ALDH3A2: variants seen among roughly 807,000 people sequenced by gnomAD.
ALDH3A2 encodes aldehyde dehydrogenase 3 family member A2, also known as aldehyde dehydrogenase family 3 member A2.
In ALDH3A2, 36 loss-of-function variants were observed where a neutral mutation model predicts 51.3. The ratio of observed to expected loss-of-function variants is 0.70; its 90% CI spans 0.54 to 0.93. The LOEUF (loss-of-function observed/expected upper bound fraction) is 0.93, where lower values mean the gene tolerates loss of function less well. ALDH3A2 is among the 40% of genes least tolerant of loss of function. ALDH3A2 has a pLI of 0.00. For synonymous variants in ALDH3A2, 199 were observed against 219.8 expected (o/e 0.91, Z 0.84); for missense variants, 552 against 603.1 (o/e 0.92, Z 0.89).
intron 5 of ALDH3A2, 81 bp downstream of exon 5, chr17:19,657,943 T>G: frequency 8.7e-7 from 1 of 1,147,952 alleles, no homozygotes; most frequent in Non-Finnish European, 1.3e-6. Context: ...GCATCCCCAT[T>G]TGTTTCTCCC....
intron 6 of ALDH3A2, 193 bp downstream of exon 6, chr17:19,661,461 A>C: frequency 6.1e-6 from 4 of 651,604 alleles, no homozygotes; most frequent in Non-Finnish European, 1.0e-5. Flanking sequence ...TGTGTATTGA[A>C]TGATGCCACC....
chr17:19,656,888 C>T (rs1232859698), intron 4 of ALDH3A2, among the ~76,000 whole-genome samples: 1 of 152,212 alleles, frequency 6.6e-6, no homozygotes, highest in Non-Finnish European at 1.5e-5. Flanking sequence ...CTGTGAAGTA[C>T]ATAATCCAAA....
chr17:19,668,318 G>T (rs144403597), intron 8 of ALDH3A2, among the ~76,000 whole-genome samples: 1,953 of 152,152 alleles, frequency 0.013, 40 homozygotes, highest in African/African-American at 0.044. Flanking sequence ...CGCGACCTCG[G>T]TTCATTGCAA....
intron 8 of ALDH3A2, among the ~76,000 whole-genome samples, chr17:19,671,417 TGA>T (rs2085111146): frequency 6.6e-6 from 1 of 152,222 alleles, no homozygotes; most frequent in Non-Finnish European, 1.5e-5. Context: ...GGGATTGTGG[TGA>T]GAATTATCTT....
At chr17:19,671,562 G>A (rs1215577691) in intron 8 of ALDH3A2, among the ~76,000 whole-genome samples, 159 bp from the exon 9 acceptor site, 1 of 152,186 alleles carries the variant, frequency 6.6e-6, no homozygotes, top group Non-Finnish European at 1.5e-5. Flanking sequence ...CAGGGAAGTT[G>A]GTAAGGACTT....
intron 9 of ALDH3A2, chr17:19,672,399 G>T: frequency 5.0e-6 from 1 of 198,154 alleles, no homozygotes; most frequent in Non-Finnish European, 1.0e-5. Flanking sequence ...TTACCACAGA[G>T]GTGAAGGCAA....
At chr17:19,671,693 C>A (rs1294971110) in intron 8 of ALDH3A2, 28 bp from the exon 9 acceptor site, 2 of 1,589,652 alleles carry the variant, frequency 1.3e-6, no homozygotes, top group East Asian at 4.5e-5. Context: ...TACAGTGAAG[C>A]TTGTTTTGTC....
At chr17:19,655,704 T>A (rs1259780267) in intron 3 of ALDH3A2, among the ~76,000 whole-genome samples, 1 of 152,230 alleles carries the variant, frequency 6.6e-6, no homozygotes. Flanking sequence ...TTGATGCTGT[T>A]ATTGTCCAAG....
intron 3 of ALDH3A2, chr17:19,655,499 A>G (rs2084882732): frequency 6.6e-6 from 1 of 152,246 alleles, no homozygotes; most frequent in African/African-American, 2.4e-5. Flanking sequence ...GATCAATAAT[A>G]TATGCTATGT....
chr17:19,655,902 C>A (rs531902653), intron 3 of ALDH3A2, among the ~76,000 whole-genome samples: 1 of 152,320 alleles, frequency 6.6e-6, no homozygotes, highest in South Asian at 2.1e-4. Flanking sequence ...ACTTCAAAAG[C>A]AAGCGCTCTC....
At chr17:19,663,632 C>A in intron 7 of ALDH3A2, 133 bp downstream of exon 7, 1 of 1,090,230 alleles carries the variant, frequency 9.2e-7, no homozygotes, top group Middle Eastern at 2.8e-4. Context: ...AGTCCATCCA[C>A]TAAGTGAGGT....
rs1380614529 is a variant in ALDH3A2, at chr17:19,675,842, T to C, written c.*270T>C. On this transcript the variant is annotated 3_prime_UTR_variant, in exon 10 of 10. Transcript: ENST00000176643. ...TTTGAGCTAGGGGAGGAGAATGTAT[T>C]AGACTAAATACAAACTGCGGGGTTG... 1 of 502,020 alleles carries C rather than the reference T, an allele frequency of 2.0e-6. No individual in the cohort carries two copies. Among genetic ancestry groups the C allele is most frequent in the East Asian group, 3.8e-5 (1 of 26,084 alleles). The allele number at this position is 502,020 out of a possible 1,614,324, so 31.1% of individuals were successfully genotyped here.
At chr17:19,653,631 C>T (rs1017860551) in intron 3 of ALDH3A2, among the ~76,000 whole-genome samples, 2 of 152,224 alleles carry the variant, frequency 1.3e-5, no homozygotes, top group Middle Eastern at 3.4e-3. Context: ...CGTGGTCTCG[C>T]TGGCCTCAGG....
intron 4 of ALDH3A2, 98 bp from the exon 5 acceptor site, chr17:19,657,647 C>T: frequency 1.1e-6 from 1 of 914,940 alleles, no homozygotes; most frequent in East Asian, 2.5e-5. Flanking sequence ...ATATATGAAT[C>T]TATTTTAGTT....
chr17:19,671,905 CG>C lies in ALDH3A2; in HGVS notation c.1394del (p.Gly465ValfsTer11). The C allele has an allele frequency of 6.2e-7, 1 of 1,614,164 alleles. No individual in the cohort carries two copies. Among genetic ancestry groups the C allele is most frequent in the Non-Finnish European group, 8.5e-7 (1 of 1,180,036 alleles). On this transcript the variant is annotated frameshift_variant, in exon 9 of 10. Coordinates refer to ENST00000176643, the MANE Select transcript of ALDH3A2 (RefSeq NM_000382.3). LOFTEE classifies it low-confidence loss of function (END_TRUNC). ...TGAAACGGTTCAACAAAGAAAAACT[CG>C]GTCTCCTGTTGCTCACTTTCCTGGG... ...LLKRFNKEKL[G>X]LLLLTFLGIV...
chr17:19,664,953 C>T lies in ALDH3A2; in HGVS notation c.1113C>T (p.Ile371=). 1.9e-6 allele frequency: 3 copies of T among 1,613,462 alleles called. No individual in the cohort carries two copies. The highest frequency in any genetic ancestry group is 2.5e-6 in the Non-Finnish European group (3 of 1,179,858). ...LYVFSHNHKL[I]KRMIDETSSG... is the part of the protein sequence containing the mutation. ...CACCTTTGGTCTGTCCTCAGCTCAT[C>T]AAACGGATGATTGATGAGACATCCA... The change falls in exon 8 of 10, where the codon ATC becomes ATT. Residue 371 remains isoleucine (I), a synonymous_variant. Transcript: ENST00000176643.
intron 9 of ALDH3A2, chr17:19,674,962 G>T (rs571434919): frequency 3.3e-5 from 5 of 152,502 alleles, no homozygotes; most frequent in Admixed American, 3.3e-4. Context: ...CAGAAGTATT[G>T]TACACAAAGT....
intron 6 of ALDH3A2, among the ~76,000 whole-genome samples, chr17:19,661,782 A>G (rs903738047): frequency 1.1e-4 from 16 of 152,090 alleles, no homozygotes; most frequent in African/African-American, 3.9e-4. Context: ...TGACAGAAAA[A>G]TTAGACACAT....
intron 8 of ALDH3A2, among the ~76,000 whole-genome samples, chr17:19,667,759 A>T (rs1256226999): frequency 1.3e-5 from 2 of 152,080 alleles, no homozygotes. Flanking sequence ...CGGTTTTGCC[A>T]TGTTAGCCAG....
Sources: allele counts gnomAD v4.1 joint callset (sites outside exome capture counted in the v4.1 genomes callset), GRCh38; gene constraint gnomAD v4.1.1; transcripts MANE v1.5; gene names NCBI Gene and HGNC (gene_info 2026-07-23, HGNC 2026-07-21).